Variants in CNNM4 observed in about 807,000 individuals in gnomAD.
The protein encoded by CNNM4 is metal transporter CNNM4.
A neutral mutation model predicts 53.7 loss-of-function variants in CNNM4; 32 were observed. The observed-to-expected ratio is 0.60, with a 90% CI of 0.45 to 0.80. The LOEUF (loss-of-function observed/expected upper bound fraction) is 0.80, where lower values mean the gene tolerates loss of function less well. CNNM4 is among the 30% of genes least tolerant of loss of function. The pLI is 0.00. For synonymous variants in CNNM4, 410 were observed against 440.0 expected (o/e 0.93, Z 0.85); for missense variants, 784 against 1,022.0 (o/e 0.77, Z 3.17).
At position 96,783,576 on chromosome 2, in the gene CNNM4, C is replaced by G. The variant is rs556772183; in HGVS notation, c.1403-13436C>G. ...GCTTCTGAAACCTGCCATTTTTGGTCTCCTGATGCCTGATTTCCTAATTGT... is the reference window on the plus strand; with the variant it reads ...GCTTCTGAAACCTGCCATTTTTGGTGTCCTGATGCCTGATTTCCTAATTGT... On this transcript the variant is annotated intron_variant, in intron 1 of 6. Transcript: ENST00000377075. Among the ~76,000 whole-genome samples the G allele has an allele frequency of 2.0e-4, 30 of 152,304 alleles. No homozygotes were observed. The East Asian group carries it at 5.8e-3, about 29-fold the overall frequency.
At position 96,762,420 on chromosome 2, in the gene CNNM4, C is replaced by T. The variant is rs749571536; in HGVS notation, c.1402+19C>T. On this transcript the variant is annotated intron_variant, in intron 1 of 6. Coordinates refer to ENST00000377075, the MANE Select transcript of CNNM4 (RefSeq NM_020184.4). ...AAGAAGGGTAAGGCCAGATGTAGTTCCCCTGGTTCAATTTCCTCTTGACGC... is the reference window on the plus strand; with the variant it reads ...AAGAAGGGTAAGGCCAGATGTAGTTTCCCTGGTTCAATTTCCTCTTGACGC... The T allele has an allele frequency of 2.5e-6, 4 of 1,609,170 alleles. No individual in the cohort carries two copies. Among genetic ancestry groups the T allele is most frequent in the Admixed American group, 1.7e-5 (1 of 59,974 alleles).
intron 1 of CNNM4, among the ~76,000 whole-genome samples, chr2:96,776,449 ATAGT>A (rs1558984142): frequency 2.0e-5 from 3 of 152,138 alleles, no homozygotes; most frequent in Non-Finnish European, 4.4e-5. Flanking sequence ...ATCACCTTGA[ATAGT>A]TATGTGTTCT....
At chr2:96,774,468 C>T (rs1169444650) in intron 1 of CNNM4, among the ~76,000 whole-genome samples, 1 of 152,078 alleles carries the variant, frequency 6.6e-6, no homozygotes, top group East Asian at 1.9e-4. Context: ...AGGGGAAATG[C>T]CTGTGCCTGT....
chr2:96,786,981 C>T (rs538265061), intron 1 of CNNM4, among the ~76,000 whole-genome samples: 2 of 152,276 alleles, frequency 1.3e-5, no homozygotes, highest in Admixed American at 1.3e-4. Context: ...AGGAAACCAG[C>T]AGTCCTTCCT....
chr2:96,771,743 G>C (rs930522849), intron 1 of CNNM4, among the ~76,000 whole-genome samples: 4 of 151,742 alleles, frequency 2.6e-5, no homozygotes, highest in African/African-American at 9.7e-5. Flanking sequence ...AAAAAAGAAA[G>C]AAATCCTTGC....
intron 1 of CNNM4, among the ~76,000 whole-genome samples, chr2:96,782,667 T>TG (rs1330329795): frequency 2.0e-5 from 3 of 152,280 alleles, no homozygotes; most frequent in African/African-American, 7.2e-5. Flanking sequence ...TTGACATCAA[T>TG]GATTCCTTGG....
intron 1 of CNNM4, among the ~76,000 whole-genome samples, chr2:96,776,644 C>T (rs913360060): frequency 3.3e-5 from 5 of 152,114 alleles, no homozygotes; most frequent in South Asian, 2.1e-4. Flanking sequence ...GATGGAGTCT[C>T]GCTCTCTCGC....
chr2:96,799,007 A>G, intron 3 of CNNM4, 50 bp from the exon 4 acceptor site: 1 of 1,590,470 alleles, frequency 6.3e-7, no homozygotes, highest in Non-Finnish European at 8.6e-7. Context: ...ATCGAGCTTT[A>G]GGGCCACCTG....
In CNNM4 at chr2:96,809,424, G is replaced by C; in HGVS notation, c.2235G>C (p.Glu745Asp). ...GCTTHMENLA[E>D]KSELPVVDET... ...CCACCCACATGGAGAACTTGGCCGA[G>C]AAGTCTGAGCTGCCTGTGGTGGACG... The change falls in exon 7 of 7, where the codon GAG (glutamate) becomes GAC (aspartate). Residue 745 changes from glutamate (E) to aspartate (D), a missense_variant. This residue lies in a region of CNNM4 where 307 missense variants were observed against 376.3 expected (regional missense o/e 0.82). Coordinates refer to ENST00000377075, the MANE Select transcript of CNNM4 (RefSeq NM_020184.4). 1 of 1,614,212 alleles carries C rather than the reference G, an allele frequency of 6.2e-7. No homozygotes were observed. The highest frequency in any genetic ancestry group is 8.5e-7 in the Non-Finnish European group (1 of 1,180,044).
chr2:96,769,686 C>T (rs918243504), intron 1 of CNNM4, among the ~76,000 whole-genome samples: 1 of 152,016 alleles, frequency 6.6e-6, no homozygotes, highest in South Asian at 2.1e-4. Flanking sequence ...GCACGCTATT[C>T]GGGAGCCTCC....
At chr2:96,767,567 C>T (rs2078830177) in intron 1 of CNNM4, among the ~76,000 whole-genome samples, 2 of 152,186 alleles carry the variant, frequency 1.3e-5, no homozygotes, top group African/African-American at 4.8e-5. Context: ...GTGCCTCACC[C>T]TCTGGGACAC....
chr2:96,797,367 G>C lies in CNNM4; in HGVS notation c.1547-146G>C. On this transcript the variant is annotated intron_variant, in intron 2 of 6. Transcript: ENST00000377075. This position sits in a 1 kb window ranked among gnomAD's most constrained non-coding sequence, Gnocchi z 6.0. ...CCTTCACCCTCGGCCTTTGTGCCTC[G>C]GCGTCAGCCCAGGACCCTGCCAGCC... 2 of 1,385,942 alleles carry C rather than the reference G, an allele frequency of 1.4e-6. No individual in the cohort carries two copies. The highest frequency in any genetic ancestry group is 2.0e-6 in the Non-Finnish European group (2 of 988,230). The allele number at this position is 1,385,942 out of a possible 1,614,324, so 85.9% of individuals were successfully genotyped here. A position where few individuals can be genotyped will look rare whatever the true frequency, so the allele number is the denominator to read the frequency against.
rs2079156177 is a variant in CNNM4, at chr2:96,801,414, A to G, written c.1948+1766A>G. On this transcript the variant is annotated intron_variant, in intron 5 of 6. Transcript: ENST00000377075. This position sits in a 1 kb window ranked among gnomAD's most constrained non-coding sequence, Gnocchi z 5.6. Reference sequence around the variant, plus strand: ...TACACATACAGATACACATAGCCATAGATACACGCAGAGACACACACAGTG... The same window carrying G: ...TACACATACAGATACACATAGCCATGGATACACGCAGAGACACACACAGTG... Among the ~76,000 whole-genome samples, 1 of 152,118 alleles carries G rather than the reference A, an allele frequency of 6.6e-6. No individual in the cohort carries two copies. The highest frequency in any genetic ancestry group is 1.5e-5 in the Non-Finnish European group (1 of 68,020).
rs755692978 is a variant in CNNM4 at position 96,808,241 on chromosome 2, T to G, written c.1949-320T>G. Among the ~76,000 whole-genome samples, 4 of 152,184 alleles carry G rather than the reference T, an allele frequency of 2.6e-5. No individual in the cohort carries two copies. Among genetic ancestry groups the G allele is most frequent in the Admixed American group, 2.0e-4 (3 of 15,278 alleles). Reference sequence around the variant, plus strand: ...GGATGATCATTGTGTTGCCCTTGACTGATTGGTTGTTGTGGGAAACGAGAG... The same window carrying G: ...GGATGATCATTGTGTTGCCCTTGACGGATTGGTTGTTGTGGGAAACGAGAG... On this transcript the variant is annotated intron_variant, in intron 5 of 6. Transcript: ENST00000377075. The surrounding 1 kb of genome is among the most constrained non-coding windows in gnomAD (Gnocchi z 4.9).
chr2:96,773,928 T>A (rs1461686666), intron 1 of CNNM4, among the ~76,000 whole-genome samples: 2 of 151,640 alleles, frequency 1.3e-5, no homozygotes, highest in African/African-American at 4.8e-5. Context: ...GAACCCTCTA[T>A]ATAATTATAT....
At chr2:96,805,238 A>G (rs1329834540) in intron 5 of CNNM4, among the ~76,000 whole-genome samples, 2 of 151,808 alleles carry the variant, frequency 1.3e-5, no homozygotes, top group African/African-American at 4.8e-5. Context: ...CTGTTCTTGC[A>G]TGGGAATACC....
intron 1 of CNNM4, among the ~76,000 whole-genome samples, chr2:96,784,235 C>T (rs2078998437): frequency 6.6e-6 from 1 of 151,986 alleles, no homozygotes; most frequent in Admixed American, 6.6e-5. Context: ...CCACTGCACT[C>T]TAGCCTGGGT....
At chr2:96,778,026 C>G (rs1448212932) in intron 1 of CNNM4, among the ~76,000 whole-genome samples, 2 of 151,374 alleles carry the variant, frequency 1.3e-5, no homozygotes, top group Non-Finnish European at 2.9e-5. Context: ...GCTACCATGA[C>G]TGGCTAATTT....
chr2:96,769,797 A>C (rs1337178835), intron 1 of CNNM4, among the ~76,000 whole-genome samples: 1 of 152,150 alleles, frequency 6.6e-6, no homozygotes, highest in Non-Finnish European at 1.5e-5. Flanking sequence ...TGGTGCCCGA[A>C]GGCAGCTTTG....
Sources: gnomAD v4.1 joint callset for allele counts (sites outside exome capture counted in the v4.1 genomes callset) on GRCh38, gnomAD v4.1.1 for gene constraint, gnomAD v4.1.1 regional missense constraint, Gnocchi (gnomAD v3.1) non-coding constraint, MANE v1.5 for transcripts, NCBI Gene and HGNC (gene_info 2026-07-23, HGNC 2026-07-21) for gene names.